Variants in PCDHGA2 observed in about 807,000 individuals in gnomAD.
PCDHGA2 encodes protocadherin gamma subfamily A, 2, also known as protocadherin gamma-A2.
In PCDHGA2, 40 loss-of-function variants were observed where a neutral mutation model predicts 59.2. The observed-to-expected ratio is 0.68, with a 90% CI of 0.52 to 0.88. The LOEUF (loss-of-function observed/expected upper bound fraction) is 0.88, where lower values mean the gene tolerates loss of function less well. PCDHGA2 is among the 40% of genes least tolerant of loss of function. PCDHGA2 has a pLI of 0.00. For missense variants in PCDHGA2, 1,226 were observed against 1,204.0 expected (o/e 1.02, Z -0.27); for synonymous variants, 560 against 526.0 (o/e 1.06, Z -0.89).
chr5:141,347,488 G>A (rs1757973047), intron 1 of PCDHGA2, among the ~76,000 whole-genome samples: 1 of 152,076 alleles, frequency 6.6e-6, no homozygotes, highest in South Asian at 2.1e-4. Context: ...CATAAAAATT[G>A]GAGAACAAAA....
rs752984415 is a variant in PCDHGA2, at chr5:141,360,537, A to G, written c.2424+19142A>G. 29 of 1,614,000 alleles carry G rather than the reference A, an allele frequency of 1.8e-5. 1 individual carries two copies. The South Asian group carries it at 2.9e-4, about 16-fold the overall frequency. On this transcript the variant is annotated intron_variant, in intron 1 of 3. Transcript: ENST00000394576. ...TAAATGATAATACCCCGCTATTCAA[A>G]CAGACTAAGATTAATTTAAAAATTG...
chr5:141,510,083 G>A (rs2099879432), intron 3 of PCDHGA2, among the ~76,000 whole-genome samples: 1 of 152,104 alleles, frequency 6.6e-6, no homozygotes, highest in Non-Finnish European at 1.5e-5. Flanking sequence ...CAGAGTGCCT[G>A]GCACACAGTA....
In PCDHGA2 at chr5:141,370,651, T is replaced by G. The variant is rs779641933; in HGVS notation, c.2424+29256T>G. On this transcript the variant is annotated intron_variant, in intron 1 of 3. Coordinates refer to ENST00000394576, the MANE Select transcript of PCDHGA2 (RefSeq NM_018915.4). Reference sequence around the variant, plus strand: ...AGCCCCGAAAATGGGAACTTACTTGTGAGCGACCGTATAGACCGAGAGGAG... The same window carrying G: ...AGCCCCGAAAATGGGAACTTACTTGGGAGCGACCGTATAGACCGAGAGGAG... 4.3e-6 allele frequency: 7 copies of G among 1,613,800 alleles called. No homozygotes were observed. In the South Asian group the frequency reaches 7.7e-5, roughly 18 times the overall value.
intron 1 of PCDHGA2, chr5:141,426,791 C>T (rs2096960403): frequency 2.2e-6 from 1 of 456,574 alleles, no homozygotes; most frequent in Non-Finnish European, 4.4e-6. Context: ...TCCAGAGTTA[C>T]CAGCTCAGTT....
At chr5:141,474,332 G>A (rs1427828070) in intron 1 of PCDHGA2, among the ~76,000 whole-genome samples, 1 of 152,168 alleles carries the variant, frequency 6.6e-6, no homozygotes, top group Non-Finnish European at 1.5e-5. Flanking sequence ...TCACCCTGAT[G>A]TTTTGTTAAA....
chr5:141,397,200 G>A (rs2093487150), intron 1 of PCDHGA2, among the ~76,000 whole-genome samples: 1 of 152,154 alleles, frequency 6.6e-6, no homozygotes, highest in Non-Finnish European at 1.5e-5. Context: ...TAAAAGATAT[G>A]ACATAAGAGA....
At position 141,491,168 on chromosome 5, in the gene PCDHGA2, A is replaced by T. The variant is rs1293664414; in HGVS notation, c.2425-3639A>T. On this transcript the variant is annotated intron_variant, in intron 1 of 3. Transcript: ENST00000394576. This position sits in a 1 kb window ranked among gnomAD's most constrained non-coding sequence, Gnocchi z 6.9. ...CTGGAGGATGACTCTGACACCCAGC[A>T]GGTGGTGGTCCTGGTGAGGGACAAT... 3.1e-6 allele frequency: 5 copies of T among 1,614,160 alleles called. No individual in the cohort carries two copies. The highest frequency in any genetic ancestry group is 4.2e-6 in the Non-Finnish European group (5 of 1,179,988).
chr5:141,356,537 A>G lies in PCDHGA2; in HGVS notation c.2424+15142A>G, dbSNP rs749492777. 49 of 1,614,028 alleles carry G rather than the reference A, an allele frequency of 3.0e-5. No individual in the cohort carries two copies. The Admixed American group carries it at 5.7e-4, about 19-fold the overall frequency. On this transcript the variant is annotated intron_variant, in intron 1 of 3. Transcript: ENST00000394576. ...ATTTCACTGCAAGTGATGGACATCAATGACAACCCACCCACTTTCCCTCAT... is the reference window on the plus strand; with the variant it reads ...ATTTCACTGCAAGTGATGGACATCAGTGACAACCCACCCACTTTCCCTCAT...
chr5:141,478,956 T>C (rs2099484450), intron 1 of PCDHGA2, among the ~76,000 whole-genome samples: 1 of 152,200 alleles, frequency 6.6e-6, no homozygotes. Context: ...AACTACCTCA[T>C]TCCTCCACCT....
intron 1 of PCDHGA2, among the ~76,000 whole-genome samples, chr5:141,402,262 TA>T (rs1248031439): frequency 6.6e-6 from 1 of 151,912 alleles, no homozygotes; most frequent in Non-Finnish European, 1.5e-5. Context: ...CCCCAGAAAA[TA>T]ATTTCAAAGT....
intron 1 of PCDHGA2, chr5:141,350,461 T>C (rs1425532527): frequency 3.1e-6 from 5 of 1,613,762 alleles, no homozygotes; most frequent in Non-Finnish European, 4.2e-6. Flanking sequence ...TGCGGGTTAG[T>C]GCAGAGGATT....
At chr5:141,356,013 A>C (rs776571171) in intron 1 of PCDHGA2, 1 of 1,613,968 alleles carries the variant, frequency 6.2e-7, no homozygotes, top group East Asian at 2.2e-5. Flanking sequence ...ATCCAGATGA[A>C]GGAGCCAATG....
chr5:141,412,634 A>G (rs1322492563), intron 1 of PCDHGA2: 1 of 152,256 alleles, frequency 6.6e-6, no homozygotes, highest in African/African-American at 2.4e-5. Flanking sequence ...TTAAATTATA[A>G]GACTTTTCTG....
chr5:141,476,766 T>C lies in PCDHGA2; in HGVS notation c.2425-18041T>C. ...AGTCTCCAGTTAGTGCTGACGGCGT[T>C]GGACGGAGGGACCCCAGCTCTCTCC... On this transcript the variant is annotated intron_variant, in intron 1 of 3. Coordinates refer to ENST00000394576, the MANE Select transcript of PCDHGA2 (RefSeq NM_018915.4). This position sits in a 1 kb window ranked among gnomAD's most constrained non-coding sequence, Gnocchi z 7.6. The C allele has an allele frequency of 1.9e-6, 3 of 1,613,626 alleles. No individual in the cohort carries two copies. The highest frequency in any genetic ancestry group is 2.5e-6 in the Non-Finnish European group (3 of 1,179,952).
intron 1 of PCDHGA2, chr5:141,475,949 G>A: frequency 1.3e-6 from 1 of 758,910 alleles, no homozygotes; most frequent in South Asian, 1.9e-5. Flanking sequence ...TCCCCTTTCT[G>A]CGCCCCGGGA....
At chr5:141,453,517 C>T (rs1001603927) in intron 1 of PCDHGA2, among the ~76,000 whole-genome samples, 1 of 152,062 alleles carries the variant, frequency 6.6e-6, no homozygotes, top group African/African-American at 2.4e-5. Context: ...TCATTCCTCC[C>T]CTATACCTTC....
In PCDHGA2 at chr5:141,493,548, G is replaced by A. The variant is rs1243278355; in HGVS notation, c.2425-1259G>A. 3.9e-5 allele frequency among the ~76,000 whole-genome samples: 6 copies of A among 152,196 alleles called. No homozygotes were observed. ...AAACTTGGCCAGTTATCCTTTTGGA[G>A]ATTGAGTTCCCCCAGCTCCGTTTCC... On this transcript the variant is annotated intron_variant, in intron 1 of 3. Coordinates refer to ENST00000394576, the MANE Select transcript of PCDHGA2 (RefSeq NM_018915.4). This position sits in a 1 kb window ranked among gnomAD's most constrained non-coding sequence, Gnocchi z 4.3.
chr5:141,477,258 C>A lies in PCDHGA2; in HGVS notation c.2425-17549C>A. ...TTGCTCAGTGTGACTGACCTGGATG[C>A]TGGCGAGAACGGGCTGGTGACCTGC... On this transcript the variant is annotated intron_variant, in intron 1 of 3. Coordinates refer to ENST00000394576, the MANE Select transcript of PCDHGA2 (RefSeq NM_018915.4). The surrounding 1 kb of genome is among the most constrained non-coding windows in gnomAD (Gnocchi z 4.9). 6.2e-7 allele frequency: 1 copy of A among 1,614,208 alleles called. No homozygotes were observed. Among genetic ancestry groups the A allele is most frequent in the Non-Finnish European group, 8.5e-7 (1 of 1,180,042 alleles).
intron 1 of PCDHGA2, among the ~76,000 whole-genome samples, chr5:141,459,559 A>AC (rs920626314): frequency 6.6e-6 from 1 of 152,198 alleles, no homozygotes; most frequent in Non-Finnish European, 1.5e-5. Flanking sequence ...TTGGATAAAT[A>AC]CCCCAAAACA....
Sources: gnomAD v4.1 joint callset for allele counts (sites outside exome capture counted in the v4.1 genomes callset) on GRCh38, gnomAD v4.1.1 for gene constraint, Gnocchi (gnomAD v3.1) non-coding constraint, MANE v1.5 for transcripts, NCBI Gene and HGNC (gene_info 2026-07-23, HGNC 2026-07-21) for gene names.